AP3S1: variants seen among roughly 807,000 people sequenced by gnomAD.
AP3S1 encodes AP-3 complex subunit sigma-1.
AP3S1 carries 12 observed loss-of-function variants against 21.3 expected under a neutral mutation model. That is an observed-to-expected ratio of 0.56 (90% CI 0.36 to 0.91). The LOEUF is 0.91. Ranked by LOEUF, AP3S1 falls within the 40% of genes least tolerant of loss-of-function variation. AP3S1 has a pLI of 0.01. For synonymous variants in AP3S1, 48 were observed against 78.4 expected, an observed-to-expected ratio of 0.61 and a Z score of 2.05; for missense variants, 116 against 225.0, an observed-to-expected ratio of 0.52 and a Z score of 3.10.
chr5:115,904,957 C>T (rs1751515263), intron 5 of AP3S1, among the ~76,000 whole-genome samples: 1 of 152,116 alleles, frequency 6.6e-6, no homozygotes, highest in Admixed American at 6.5e-5. Flanking sequence ...CTGGAATTTT[C>T]ACCTTTCTAG....
chr5:115,906,454 G>T (rs1751660457), intron 5 of AP3S1, among the ~76,000 whole-genome samples: 1 of 152,116 alleles, frequency 6.6e-6, no homozygotes, highest in Admixed American at 6.5e-5. Context: ...TGGAAGCAAA[G>T]CTCTGCCAGA....
At chr5:115,896,209 G>T (rs983573541) in intron 4 of AP3S1, among the ~76,000 whole-genome samples, 3 of 152,118 alleles carry the variant, frequency 2.0e-5, no homozygotes, top group African/African-American at 7.2e-5. Flanking sequence ...CATGTAACCA[G>T]CATCACAATC....
intron 2 of AP3S1, among the ~76,000 whole-genome samples, chr5:115,869,237 TAGCTC>T (rs931659335): frequency 6.6e-6 from 1 of 152,206 alleles, no homozygotes; most frequent in African/African-American, 2.4e-5. Context: ...TTTAGTATCT[TAGCTC>T]AGTTTTCTTG....
At chr5:115,906,498 TG>T (rs913927927) in intron 5 of AP3S1, among the ~76,000 whole-genome samples, 2 of 152,214 alleles carry the variant, frequency 1.3e-5, no homozygotes, top group African/African-American at 4.8e-5. Flanking sequence ...ATACTCTGAA[TG>T]TATTTCCATC....
intron 5 of AP3S1, among the ~76,000 whole-genome samples, chr5:115,904,878 A>G (rs968700492): frequency 1.3e-5 from 2 of 152,210 alleles, no homozygotes; most frequent in African/African-American, 2.4e-5. Context: ...AATAACTGGT[A>G]TAAATGAATG....
At chr5:115,870,178 A>C (rs1748100772) in intron 3 of AP3S1, 50 bp downstream of exon 3, 1 of 1,191,102 alleles carries the variant, frequency 8.4e-7, no homozygotes, top group Non-Finnish European at 1.2e-6. Context: ...TTGACATTTA[A>C]ATTTTTAAAA....
intron 3 of AP3S1, among the ~76,000 whole-genome samples, chr5:115,872,087 G>A (rs906591636): frequency 1.3e-5 from 2 of 152,126 alleles, no homozygotes; most frequent in East Asian, 3.9e-4. Flanking sequence ...GCTAAGCTGA[G>A]CAGATCACTT....
At position 115,885,437 on chromosome 5, in the gene AP3S1, T is replaced by A. The variant is rs572288350; in HGVS notation, c.274-9650T>A. Among the ~76,000 whole-genome samples, 6 of 152,260 alleles carry A rather than the reference T, an allele frequency of 3.9e-5. No homozygotes were observed. The South Asian group carries it at 1.2e-3, about 32-fold the overall frequency. Reference sequence around the variant, plus strand: ...GGTGTAAATCCAAGAGTCCAAAGGCTGAAGAACCTGGAGTCTGATGTTTCA... The same window carrying A: ...GGTGTAAATCCAAGAGTCCAAAGGCAGAAGAACCTGGAGTCTGATGTTTCA... On this transcript the variant is annotated intron_variant, in intron 3 of 5. Coordinates refer to ENST00000316788, the MANE Select transcript of AP3S1 (RefSeq NM_001284.4).
At chr5:115,913,258 G>A in intron 5 of AP3S1, 104 bp from the exon 6 acceptor site, 1 of 860,574 alleles carries the variant, frequency 1.2e-6, no homozygotes, top group Non-Finnish European at 1.5e-6. Context: ...CCCTAAGCTT[G>A]TTATATGAAA....
intron 1 of AP3S1, among the ~76,000 whole-genome samples, chr5:115,864,449 G>C (rs1249347283): frequency 6.6e-6 from 1 of 152,144 alleles, no homozygotes. Context: ...AGGACCTTTA[G>C]GGCTCATTAC....
At chr5:115,902,637 C>A (rs895842790) in intron 4 of AP3S1, among the ~76,000 whole-genome samples, 3 of 152,038 alleles carry the variant, frequency 2.0e-5, no homozygotes, top group African/African-American at 7.2e-5. Flanking sequence ...TTATTCCTTT[C>A]AACAGTCCTA....
In AP3S1 at chr5:115,910,855, C is replaced by G. The variant is rs116742945; in HGVS notation, c.454-2507C>G. Among the ~76,000 whole-genome samples, 1,126 of 152,230 alleles carry G rather than the reference C, an allele frequency of 7.4e-3. 15 individuals carry two copies. The highest frequency in any genetic ancestry group is 0.026 in the African/African-American group (1,089 of 41,564). On this transcript the variant is annotated intron_variant, in intron 5 of 5. Coordinates refer to ENST00000316788, the MANE Select transcript of AP3S1 (RefSeq NM_001284.4). ...TAATTAAAACTTAAAGCACCTATTA[C>G]AACTTTAAATTTTCCTACCATTTAA...
rs563203843 is a variant in AP3S1 at position 115,901,654 on chromosome 5, A to T, written c.346-1231A>T. Among the ~76,000 whole-genome samples the T allele has an allele frequency of 6.6e-5, 10 of 151,732 alleles. No individual in the cohort carries two copies. In the South Asian group the frequency reaches 1.9e-3, roughly 28 times the overall value. ...ACTGCACCCTCCACTTCCCGGGCTC[A>T]GGCAGTCCTCCTGGGTCAGCCTCCC... is the stretch of plus-strand genomic sequence containing the variant. On this transcript the variant is annotated intron_variant, in intron 4 of 5. Transcript: ENST00000316788.
intron 4 of AP3S1, among the ~76,000 whole-genome samples, chr5:115,897,367 A>G (rs1750839753): frequency 6.6e-6 from 1 of 152,152 alleles, no homozygotes; most frequent in Non-Finnish European, 1.5e-5. Context: ...AAGGAGACAA[A>G]AGTTTTAGGA....
chr5:115,897,424 G>T (rs1033518838), intron 4 of AP3S1, among the ~76,000 whole-genome samples: 1 of 152,090 alleles, frequency 6.6e-6, no homozygotes, highest in African/African-American at 2.4e-5. Context: ...TATTCGCCAA[G>T]ACAATGCTAA....
chr5:115,904,321 CTTG>C (rs1377173365), intron 5 of AP3S1, among the ~76,000 whole-genome samples: 2 of 152,066 alleles, frequency 1.3e-5, no homozygotes, highest in Non-Finnish European at 2.9e-5. Context: ...AAAATTTTAC[CTTG>C]TTGGCATTTT....
chr5:115,897,631 C>T lies in AP3S1; in HGVS notation c.345+2473C>T, dbSNP rs571605444. Among the ~76,000 whole-genome samples the T allele has an allele frequency of 5.3e-5, 8 of 151,242 alleles. No homozygotes were observed. In the East Asian group the frequency reaches 1.6e-3, roughly 30 times the overall value. ...GGCTGGAGTGTAGTGGCGATCTCGG[C>T]TTAATGCAAGCTCCACCTCCCAGGT... On this transcript the variant is annotated intron_variant, in intron 4 of 5. Coordinates refer to ENST00000316788, the MANE Select transcript of AP3S1 (RefSeq NM_001284.4).
At chr5:115,867,213 T>C (rs1317362142) in intron 2 of AP3S1, among the ~76,000 whole-genome samples, 1 of 152,152 alleles carries the variant, frequency 6.6e-6, no homozygotes, top group East Asian at 1.9e-4. Context: ...GTTCTCAGTA[T>C]TTTCAAAAGC....
chr5:115,885,255 A>T (rs535995563), intron 3 of AP3S1, among the ~76,000 whole-genome samples: 2 of 152,156 alleles, frequency 1.3e-5, no homozygotes, highest in African/African-American at 4.8e-5. Context: ...GGCTCACACA[A>T]TCACAAGGCA....
Sources: gnomAD v4.1 joint callset for allele counts (sites outside exome capture counted in the v4.1 genomes callset) on GRCh38, gnomAD v4.1.1 for gene constraint, MANE v1.5 for transcripts, NCBI Gene and HGNC (gene_info 2026-07-23, HGNC 2026-07-21) for gene names.